BCAS3: variants seen among roughly 807,000 people sequenced by gnomAD.
BCAS3 encodes BCAS3 microtubule associated cell migration factor, also known as BCAS4/BCAS3 fusion.
BCAS3 carries 53 observed loss-of-function variants against 116.1 expected under a neutral mutation model. The ratio of observed to expected loss-of-function variants is 0.46; its 90% CI spans 0.37 to 0.57. The LOEUF (loss-of-function observed/expected upper bound fraction) is 0.57. Among genes scored for constraint, BCAS3 ranks in the 20% least tolerant of loss-of-function variants. The pLI is 0.00. For missense variants in BCAS3, 917 were observed against 1,165.4 expected, an observed-to-expected ratio of 0.79 and a Z score of 3.10; for synonymous variants, 391 against 408.2, an observed-to-expected ratio of 0.96 and a Z score of 0.51.
intron 6 of BCAS3, among the ~76,000 whole-genome samples, chr17:60,777,079 T>C (rs2045373276): frequency 6.6e-6 from 1 of 151,264 alleles, no homozygotes; most frequent in African/African-American, 2.4e-5. Flanking sequence ...TGCGTGTGTA[T>C]ATATGTGTAT....
At chr17:60,693,845 T>C (rs1240881478) in intron 4 of BCAS3, among the ~76,000 whole-genome samples, 1 of 151,050 alleles carries the variant, frequency 6.6e-6, no homozygotes, top group Non-Finnish European at 1.5e-5. Flanking sequence ...TTTGGAAAAA[T>C]ATAGCATAAA....
chr17:60,995,416 C>A lies in BCAS3; in HGVS notation c.1486+5181C>A, dbSNP rs1353701042. 6.6e-6 allele frequency among the ~76,000 whole-genome samples: 1 copy of A among 152,000 alleles called. No individual in the cohort carries two copies. The highest frequency in any genetic ancestry group is 6.5e-5 in the Admixed American group (1 of 15,272). ...TGAGTGAGTGATCTGCCCACCGTGG[C>A]CTCCCAAAGTGCTGGGATTACAGAC... On this transcript the variant is annotated intron_variant, in intron 15 of 23. Coordinates refer to ENST00000407086, the MANE Select transcript of BCAS3 (RefSeq NM_017679.5). This position sits in a 1 kb window ranked among gnomAD's most constrained non-coding sequence, Gnocchi z 4.7.
At position 61,087,819 on chromosome 17, in the gene BCAS3, T is replaced by C. The variant is rs1699674454; in HGVS notation, c.2425+3255T>C. 6.6e-6 allele frequency among the ~76,000 whole-genome samples: 1 copy of C among 152,166 alleles called. No individual in the cohort carries two copies. Among genetic ancestry groups the C allele is most frequent in the Non-Finnish European group, 1.5e-5 (1 of 68,034 alleles). The stretch of plus-strand genomic sequence containing the variant: ...ATAGAGTATTTTTGATTTTCAGCAG[T>C]TCTATAACTGCTTGATGAGTAGATG... On this transcript the variant is annotated intron_variant, in intron 22 of 23. Transcript: ENST00000407086. This position sits in a 1 kb window ranked among gnomAD's most constrained non-coding sequence, Gnocchi z 4.6.
At position 60,956,042 on chromosome 17, in the gene BCAS3, C is replaced by T. The variant is rs1196663052; in HGVS notation, c.1221+8690C>T. 2.6e-5 allele frequency among the ~76,000 whole-genome samples: 4 copies of T among 152,168 alleles called. No individual in the cohort carries two copies. Among genetic ancestry groups the T allele is most frequent in the African/African-American group, 9.7e-5 (4 of 41,436 alleles). On this transcript the variant is annotated intron_variant, in intron 14 of 23. Transcript: ENST00000407086. The surrounding 1 kb of genome is among the most constrained non-coding windows in gnomAD (Gnocchi z 4.2). ...ATAAAAATTTACAAGGTTTTTGGGG[C>T]AGTAATTTAAAACTATGTAAATATG... is the stretch of plus-strand genomic sequence containing the variant.
At chr17:61,110,234 G>C (rs2074966600) in intron 22 of BCAS3, among the ~76,000 whole-genome samples, 1 of 152,194 alleles carries the variant, frequency 6.6e-6, no homozygotes, top group Non-Finnish European at 1.5e-5. Flanking sequence ...ATTATGGGGG[G>C]AGGAGCCAAG....
chr17:61,318,251 C>T (rs1191660688), intron 22 of BCAS3, among the ~76,000 whole-genome samples: 2 of 152,236 alleles, frequency 1.3e-5, no homozygotes, highest in Admixed American at 1.3e-4. Context: ...CCCAAAGTTA[C>T]TGAGGGTTCT....
At position 61,126,846 on chromosome 17, in the gene BCAS3, T is replaced by C. The variant is rs1156675079; in HGVS notation, c.2425+42282T>C. ...GGGATTTTTCTTTGTGGGAAAAATA[T>C]TACAACCGTATCATTACTACTTTGA... On this transcript the variant is annotated intron_variant, in intron 22 of 23. Coordinates refer to ENST00000407086, the MANE Select transcript of BCAS3 (RefSeq NM_017679.5). The surrounding 1 kb of genome is among the most constrained non-coding windows in gnomAD (Gnocchi z 4.6). 6.6e-6 allele frequency among the ~76,000 whole-genome samples: 1 copy of C among 152,178 alleles called. No individual in the cohort carries two copies. The highest frequency in any genetic ancestry group is 1.5e-5 in the Non-Finnish European group (1 of 68,014).
In BCAS3 at chr17:61,088,133, G is replaced by C. The variant is rs2073235217; in HGVS notation, c.2425+3569G>C. 6.6e-6 allele frequency among the ~76,000 whole-genome samples: 1 copy of C among 152,200 alleles called. No homozygotes were observed. Among genetic ancestry groups the C allele is most frequent in the Non-Finnish European group, 1.5e-5 (1 of 68,048 alleles). On this transcript the variant is annotated intron_variant, in intron 22 of 23. Transcript: ENST00000407086. The surrounding 1 kb of genome is among the most constrained non-coding windows in gnomAD (Gnocchi z 4.2). ...GGAGGCAGAGGTTGCAGTGAGCTGA[G>C]ATTGCACCAGTGCACTCTAGCCTGG...
chr17:61,115,552 C>T lies in BCAS3; in HGVS notation c.2425+30988C>T, dbSNP rs988348741. ...AAAACCACAATGAGATACCATCTCA[C>T]ACCAGTTAGAATGGCAATCATTAAA... On this transcript the variant is annotated intron_variant, in intron 22 of 23. Transcript: ENST00000407086. 7.8e-5 allele frequency among the ~76,000 whole-genome samples: 11 copies of T among 140,596 alleles called. No individual in the cohort carries two copies. In the South Asian group the frequency reaches 1.3e-3, roughly 17 times the overall value. The allele number at this position is 140,596 out of a possible 152,430, so 92.2% of individuals were successfully genotyped here. A position where few individuals can be genotyped will look rare whatever the true frequency, so the allele number is the denominator to read the frequency against.
At chr17:60,971,143 TA>T (rs1233117188) in intron 14 of BCAS3, among the ~76,000 whole-genome samples, 19 of 152,168 alleles carry the variant, frequency 1.2e-4, no homozygotes, top group Non-Finnish European at 2.5e-4. Context: ...ATTGTTCAAT[TA>T]GCAACTATGA....
chr17:61,091,167 T>C (rs1011423972), intron 22 of BCAS3, among the ~76,000 whole-genome samples: 4 of 152,246 alleles, frequency 2.6e-5, no homozygotes, highest in African/African-American at 9.6e-5. Context: ...ACCTTGCCTA[T>C]GCTTTCTATA....
intron 22 of BCAS3, among the ~76,000 whole-genome samples, chr17:61,109,972 T>C (rs573479360): frequency 1.2e-4 from 19 of 152,362 alleles, no homozygotes; most frequent in African/African-American, 3.6e-4. Context: ...ATCTTTGTTT[T>C]TGTTGCATTT....
At chr17:61,295,948 C>G (rs1474068341) in intron 22 of BCAS3, among the ~76,000 whole-genome samples, 3 of 146,646 alleles carry the variant, frequency 2.0e-5, no homozygotes, top group Non-Finnish European at 4.5e-5. Flanking sequence ...GAGCAAGACT[C>G]CGTCTCAAAA....
In BCAS3 at chr17:61,391,929, C is replaced by T. The variant is rs568916660; in HGVS notation, c.2594-48C>T. 3 of 1,596,168 alleles carry T rather than the reference C, an allele frequency of 1.9e-6. No homozygotes were observed. The highest frequency in any genetic ancestry group is 4.5e-5 in the East Asian group (2 of 44,646). On this transcript the variant is annotated intron_variant, in intron 23 of 23. Coordinates refer to ENST00000407086, the MANE Select transcript of BCAS3 (RefSeq NM_017679.5). The surrounding 1 kb of genome is among the most constrained non-coding windows in gnomAD (Gnocchi z 7.7). ...GCCTGGCCCAGATGGTGCCCCCACTCCCCAGACCCAACTCTAACCAGGCCT... is the reference window on the plus strand; with the variant it reads ...GCCTGGCCCAGATGGTGCCCCCACTTCCCAGACCCAACTCTAACCAGGCCT...
intron 7 of BCAS3, among the ~76,000 whole-genome samples, chr17:60,848,072 C>T (rs1392550519): frequency 6.6e-6 from 1 of 152,156 alleles, no homozygotes; most frequent in Non-Finnish European, 1.5e-5. Flanking sequence ...ACTGTCCTTT[C>T]CCCCATTGAA....
Position 61,364,076 on chromosome 17 carries a change from A to G in BCAS3, c.2426-4251A>G, listed in dbSNP as rs1402360924. ...GGGAAAGAGACAGCGGGTATGGCAG[A>G]GCCTCTGATGGGACTCCTAGCAGGA... On this transcript the variant is annotated intron_variant, in intron 22 of 23. Coordinates refer to ENST00000407086, the MANE Select transcript of BCAS3 (RefSeq NM_017679.5). This position sits in a 1 kb window ranked among gnomAD's most constrained non-coding sequence, Gnocchi z 5.4. Among the ~76,000 whole-genome samples, 1 of 152,108 alleles carries G rather than the reference A, an allele frequency of 6.6e-6. No individual in the cohort carries two copies. The highest frequency in any genetic ancestry group is 1.5e-5 in the Non-Finnish European group (1 of 68,010).
rs567895866 is a variant in BCAS3 at position 61,095,438 on chromosome 17, T to A, written c.2425+10874T>A. On this transcript the variant is annotated intron_variant, in intron 22 of 23. Transcript: ENST00000407086. This position sits in a 1 kb window ranked among gnomAD's most constrained non-coding sequence, Gnocchi z 4.7. ...AGATATAGTACATATAAACCAAAGATCTTTGGGGTCCTGGGTTTTTTGTTG... is the reference window on the plus strand; with the variant it reads ...AGATATAGTACATATAAACCAAAGAACTTTGGGGTCCTGGGTTTTTTGTTG... 6.6e-6 allele frequency among the ~76,000 whole-genome samples: 1 copy of A among 152,258 alleles called. No individual in the cohort carries two copies. The highest frequency in any genetic ancestry group is 1.5e-5 in the Non-Finnish European group (1 of 68,004).
intron 5 of BCAS3, among the ~76,000 whole-genome samples, chr17:60,743,112 C>CAAAA (rs528323733): frequency 4.0e-4 from 27 of 68,086 alleles, no homozygotes; most frequent in African/African-American, 1.3e-3. Context: ...GACTCCTTCT[C>CAAAA]AAAAAAAAAA....
Position 61,034,799 on chromosome 17 carries a change from T to C in BCAS3, c.1762+9T>C. The C allele has an allele frequency of 6.3e-7, 1 of 1,583,972 alleles. No individual in the cohort carries two copies. The highest frequency in any genetic ancestry group is 2.3e-5 in the East Asian group (1 of 44,202). On this transcript the variant is annotated intron_variant, in intron 17 of 23. Transcript: ENST00000407086. This position sits in a 1 kb window ranked among gnomAD's most constrained non-coding sequence, Gnocchi z 5.0. ...TCTGAAAAGAGAAAAAGGTATGTATTTTTACTGAAAAATGAATGCTCTATT... is the reference window on the plus strand; with the variant it reads ...TCTGAAAAGAGAAAAAGGTATGTATCTTTACTGAAAAATGAATGCTCTATT...
Sources: allele counts gnomAD v4.1 joint callset (sites outside exome capture counted in the v4.1 genomes callset), GRCh38; gene constraint gnomAD v4.1.1; non-coding constraint Gnocchi (gnomAD v3.1); transcripts MANE v1.5; gene names NCBI Gene and HGNC (gene_info 2026-07-23, HGNC 2026-07-21).